DPP10: variants seen among roughly 807,000 people sequenced by gnomAD.
DPP10 encodes the protein dipeptidyl peptidase like 10, also known as inactive dipeptidyl peptidase 10.
A neutral mutation model predicts 120.9 loss-of-function variants in DPP10; 33 were observed. The ratio of observed to expected loss-of-function variants is 0.27; its 90% CI spans 0.21 to 0.37. DPP10 has a LOEUF of 0.37. Among genes scored for constraint, DPP10 ranks in the 10% least tolerant of loss-of-function variants. The probability of loss-of-function intolerance (pLI) is 1.00; values close to 1 mark genes in which losing one functional copy is unlikely to be tolerated. For synonymous variants in DPP10, 337 were observed against 326.1 expected, an observed-to-expected ratio of 1.03 and a Z score of -0.36; for missense variants, 816 against 942.8, an observed-to-expected ratio of 0.87 and a Z score of 1.76.
intron 1 of DPP10, among the ~76,000 whole-genome samples, chr2:114,620,405 C>T (rs528183345): frequency 6.6e-6 from 1 of 151,796 alleles, no homozygotes; most frequent in African/African-American, 2.4e-5. Flanking sequence ...TTAATTATCG[C>T]CTTATTTGAA....
At chr2:115,329,569 A>C (rs1214536309) in intron 2 of DPP10, among the ~76,000 whole-genome samples, 1 of 152,002 alleles carries the variant, frequency 6.6e-6, no homozygotes, top group African/African-American at 2.4e-5. Context: ...TATATCTCCT[A>C]ATGCTATCCC....
In DPP10 at chr2:114,564,173, G is replaced by A. The variant is rs551524253; in HGVS notation, c.60+121335G>A. ...TGGTATTCAAATGATATTCTAATGG[G>A]AGGTGTAATTTTATGAATACTTCTT... On this transcript the variant is annotated intron_variant, in intron 1 of 25. Coordinates refer to ENST00000410059, the MANE Select transcript of DPP10 (RefSeq NM_020868.6). 1.0e-3 allele frequency among the ~76,000 whole-genome samples: 152 copies of A among 152,206 alleles called. 1 individual carries two copies. The highest frequency in any genetic ancestry group is 2.9e-3 in the South Asian group (14 of 4,820).
intron 1 of DPP10, among the ~76,000 whole-genome samples, chr2:114,488,318 G>A (rs909407321): frequency 6.6e-6 from 1 of 152,092 alleles, no homozygotes; most frequent in Non-Finnish European, 1.5e-5. Flanking sequence ...AAGTTACTTT[G>A]TGCCTCAGTT....
intron 5 of DPP10, among the ~76,000 whole-genome samples, chr2:115,632,807 G>A (rs2085991132): frequency 6.6e-6 from 1 of 152,156 alleles, no homozygotes; most frequent in South Asian, 2.1e-4. Context: ...AGACATTTAT[G>A]CAGCCAAAAG....
chr2:115,003,363 G>A (rs545255183), intron 1 of DPP10, among the ~76,000 whole-genome samples: 8 of 152,054 alleles, frequency 5.3e-5, no homozygotes, highest in East Asian at 3.9e-4. Context: ...GCCTACTTGC[G>A]GGTGAAGGCT....
intron 5 of DPP10, among the ~76,000 whole-genome samples, chr2:115,664,768 G>A (rs546460530): frequency 6.6e-6 from 1 of 152,284 alleles, no homozygotes; most frequent in Admixed American, 6.5e-5. Context: ...TATTTTCAGA[G>A]CAGTGCATTA....
At chr2:114,807,904 T>G (rs1457327489) in intron 1 of DPP10, among the ~76,000 whole-genome samples, 1 of 152,226 alleles carries the variant, frequency 6.6e-6, no homozygotes, top group African/African-American at 2.4e-5. Flanking sequence ...CTTCCTCATT[T>G]ACATGTCCAG....
chr2:115,495,365 G>GAAAAAA (rs3039998), intron 3 of DPP10, among the ~76,000 whole-genome samples: 5,144 of 82,106 alleles, frequency 0.063, 408 homozygotes, highest in Middle Eastern at 0.11. Context: ...GCCATTTTCT[G>GAAAAAA]AAAAAAAAAA....
intron 1 of DPP10, among the ~76,000 whole-genome samples, chr2:115,201,519 A>G (rs548195439): frequency 6.6e-6 from 1 of 152,282 alleles, no homozygotes; most frequent in African/African-American, 2.4e-5. Context: ...ATTCCTTTAG[A>G]GACAGGTCGG....
In DPP10 at chr2:115,016,278, G is replaced by T. The variant is rs1401048924; in HGVS notation, c.61-292961G>T. Among the ~76,000 whole-genome samples, 4 of 152,246 alleles carry T rather than the reference G, an allele frequency of 2.6e-5. 1 individual carries two copies. In the East Asian group the frequency reaches 5.8e-4, roughly 22 times the overall value. ...GAAAGGATTCCCTATTTAATAAATGGTTTTTGGAAAACTGGCTAGCCATAT... is the reference window on the plus strand; with the variant it reads ...GAAAGGATTCCCTATTTAATAAATGTTTTTTGGAAAACTGGCTAGCCATAT... On this transcript the variant is annotated intron_variant, in intron 1 of 25. Transcript: ENST00000410059.
At chr2:115,314,969 A>T (rs1205822035) in intron 2 of DPP10, among the ~76,000 whole-genome samples, 1 of 152,138 alleles carries the variant, frequency 6.6e-6, no homozygotes, top group Non-Finnish European at 1.5e-5. Context: ...CCCTCATAAC[A>T]CACCAGTTTA....
chr2:114,880,305 C>T (rs1394360323), intron 1 of DPP10, among the ~76,000 whole-genome samples: 1 of 152,134 alleles, frequency 6.6e-6, no homozygotes, highest in African/African-American at 2.4e-5. Context: ...ACAAATTTGG[C>T]AACGCTACAG....
intron 5 of DPP10, among the ~76,000 whole-genome samples, chr2:115,664,017 A>T (rs1265113793): frequency 6.6e-6 from 1 of 151,142 alleles, no homozygotes; most frequent in East Asian, 1.9e-4. Flanking sequence ...AATAATAATA[A>T]TATTACATAC....
intron 1 of DPP10, among the ~76,000 whole-genome samples, chr2:115,014,020 C>A (rs1256159372): frequency 6.6e-6 from 1 of 152,154 alleles, no homozygotes; most frequent in Non-Finnish European, 1.5e-5. Context: ...GAACTCTCTA[C>A]CCCAAATCAA....
chr2:114,542,048 CCTT>C (rs1686999551), intron 1 of DPP10, among the ~76,000 whole-genome samples: 6 of 122,166 alleles, frequency 4.9e-5, no homozygotes, highest in African/African-American at 1.6e-4. Flanking sequence ...TTCTTTCTTT[CCTT>C]TTTTTTTTTT....
At chr2:114,959,600 T>C (rs1698462062) in intron 1 of DPP10, among the ~76,000 whole-genome samples, 1 of 152,194 alleles carries the variant, frequency 6.6e-6, no homozygotes. Context: ...AGGAGTGGAA[T>C]CACTGGGTTT....
At chr2:114,620,817 T>C (rs1573810545) in intron 1 of DPP10, among the ~76,000 whole-genome samples, 1 of 152,188 alleles carries the variant, frequency 6.6e-6, no homozygotes, top group African/African-American at 2.4e-5. Flanking sequence ...ATGCCGCATC[T>C]TGGTACCTTA....
At chr2:115,539,638 T>A (rs1417297950) in intron 5 of DPP10, among the ~76,000 whole-genome samples, 1 of 151,942 alleles carries the variant, frequency 6.6e-6, no homozygotes, top group Non-Finnish European at 1.5e-5. Flanking sequence ...CCAACTAATA[T>A]GTCAAGTTTG....
chr2:114,505,945 T>C (rs1051774360), intron 1 of DPP10, among the ~76,000 whole-genome samples: 1 of 152,264 alleles, frequency 6.6e-6, no homozygotes, highest in African/African-American at 2.4e-5. Context: ...TGCCTCATTC[T>C]ACTTTCTTTC....
Sources: gnomAD v4.1 joint callset for allele counts (sites outside exome capture counted in the v4.1 genomes callset) on GRCh38, gnomAD v4.1.1 for gene constraint, MANE v1.5 for transcripts, NCBI Gene and HGNC (gene_info 2026-07-23, HGNC 2026-07-21) for gene names.